The following ANKRD13A variants were observed in gnomAD, a reference collection of about 807,000 sequenced individuals.
The protein encoded by ANKRD13A is ankyrin repeat domain-containing protein 13A.
A neutral mutation model predicts 81.3 loss-of-function variants in ANKRD13A; 48 were observed. The ratio of observed to expected loss-of-function variants is 0.59; its 90% confidence interval spans 0.47 to 0.75. ANKRD13A has a LOEUF of 0.75. Among genes scored for constraint, ANKRD13A ranks in the 30% least tolerant of loss-of-function variants. The probability of loss-of-function intolerance (pLI) is 0.00; values close to 1 mark genes in which losing one functional copy is unlikely to be tolerated. For synonymous variants in ANKRD13A, 230 were observed against 270.1 expected (o/e 0.85, Z 1.45); for missense variants, 612 against 734.0 (o/e 0.83, Z 1.92).
intron 10 of ANKRD13A, 33 bp downstream of exon 10, chr12:110,028,675 T>G (rs780940221): frequency 1.2e-6 from 2 of 1,613,398 alleles, no homozygotes; most frequent in Non-Finnish European, 1.7e-6. Flanking sequence ...TTTCAACCTA[T>G]GTATGTTTCA....
chr12:110,028,545 C>T lies in ANKRD13A; in HGVS notation c.979C>T (p.Pro327Ser). The change falls in exon 10 of 15, where the codon CCC (proline) becomes TCC (serine). Residue 327 changes from proline (P) to serine (S), a missense_variant. Pro to Ser is a moderately conservative substitution (Grantham distance 74, BLOSUM62 -1). Coordinates refer to ENST00000261739, the MANE Select transcript of ANKRD13A (RefSeq NM_033121.2). ...CACGGAATGTGCTACTGCAAACAAC[C>T]CCACAGCCATCACGCCTGATGAGTA... ...LTTECATANN[P>S]TAITPDEYFN... 3.1e-6 allele frequency: 5 copies of T among 1,614,168 alleles called. No individual in the cohort carries two copies. Among genetic ancestry groups the T allele is most frequent in the Non-Finnish European group, 4.2e-6 (5 of 1,180,020 alleles).
intron 1 of ANKRD13A, among the ~76,000 whole-genome samples, chr12:110,011,552 T>C (rs1283200921): frequency 2.0e-5 from 3 of 152,218 alleles, no homozygotes; most frequent in Non-Finnish European, 4.4e-5. Context: ...AATGTAATTT[T>C]ATTCTGACCC....
Position 110,019,141 on chromosome 12 carries a change from A to T in ANKRD13A, c.547A>T (p.Asn183Tyr). Residue 183 changes from asparagine to tyrosine, a missense_variant and splice_region_variant, in exon 6 of 15, where the codon AAC becomes TAC. Transcript: ENST00000261739. ...RRSFIFKGEDNWAELMEVNHD... is the reference protein window; with the variant it reads ...RRSFIFKGEDYWAELMEVNHD... ...TATGCCTTTGTTTCCATTAATAGAC[A>T]ACTGGGCGGAGTTAATGGAAGTCAA... 1 of 1,586,404 alleles carries T rather than the reference A, an allele frequency of 6.3e-7. No homozygotes were observed. The highest frequency in any genetic ancestry group is 8.6e-7 in the Non-Finnish European group (1 of 1,165,362).
intron 8 of ANKRD13A, chr12:110,026,935 G>GT (rs1891378913): frequency 2.0e-5 from 3 of 152,174 alleles, no homozygotes; most frequent in Admixed American, 2.0e-4. Context: ...TCTTGGAGGT[G>GT]TTTCCCCATA....
At chr12:110,023,976 A>G in intron 6 of ANKRD13A, 70 bp from the exon 7 acceptor site, 1 of 1,473,188 alleles carries the variant, frequency 6.8e-7, no homozygotes, top group Non-Finnish European at 9.3e-7. Context: ...AAAAAACTAT[A>G]AAGGCTACAG....
intron 12 of ANKRD13A, 106 bp downstream of exon 12, chr12:110,030,864 G>A: frequency 1.9e-6 from 1 of 513,722 alleles, no homozygotes; most frequent in South Asian, 2.6e-5. Flanking sequence ...GGAGGCCGAG[G>A]TGGGTGGATC....
At chr12:110,032,559 C>G (rs1006864497) in intron 12 of ANKRD13A, 3 of 152,104 alleles carry the variant, frequency 2.0e-5, no homozygotes, top group African/African-American at 7.2e-5. Context: ...TTCGGCATTA[C>G]TGTATAAACT....
At chr12:110,020,794 G>T (rs956745095) in intron 6 of ANKRD13A, among the ~76,000 whole-genome samples, 1 of 152,206 alleles carries the variant, frequency 6.6e-6, no homozygotes, top group Non-Finnish European at 1.5e-5. Flanking sequence ...CATCAGCAGG[G>T]CTCCTAAATA....
At chr12:110,001,897 A>G (rs930821594) in intron 1 of ANKRD13A, among the ~76,000 whole-genome samples, 1 of 152,194 alleles carries the variant, frequency 6.6e-6, no homozygotes, top group African/African-American at 2.4e-5. Flanking sequence ...CTATTACTAG[A>G]CATGGTACAG....
chr12:110,012,033 G>A lies in ANKRD13A; in HGVS notation c.125G>A (p.Arg42Gln), dbSNP rs138438848. The A allele has an allele frequency of 2.3e-4, 364 of 1,609,792 alleles. No individual in the cohort carries two copies. Among genetic ancestry groups the A allele is most frequent in the Non-Finnish European group, 2.9e-4 (347 of 1,176,572 alleles). ...GTGGAGGCTGTGGACCCACGAGGTC[G>A]AACATTATTGCATCTTGCTGTTTCC... ...QNVEAVDPRG[R>Q]TLLHLAVSLG... is the part of the protein sequence containing the mutation. The change falls in exon 2 of 15, where the codon CGA becomes CAA. Residue 42 changes from arginine (R) to glutamine (Q), a missense_variant. By Grantham distance (43) the Arg-to-Gln change is conservative. Transcript: ENST00000261739.
chr12:110,034,345 C>T (rs1019299213), intron 13 of ANKRD13A, among the ~76,000 whole-genome samples: 3 of 152,118 alleles, frequency 2.0e-5, no homozygotes, highest in African/African-American at 7.2e-5. Flanking sequence ...ATTTGAATCC[C>T]ACTTCCTCCA....
At position 110,029,514 on chromosome 12, in the gene ANKRD13A, CCT is replaced by C. The variant is rs1891553898; in HGVS notation, c.1120_1121del (p.Leu374GlyfsTer9). The stretch of plus-strand genomic sequence containing the variant: ...TGTTGTGGATGTGTGAAGAGTTTCC[CCT>C]CTCTCTGGTGGAGCAGGTCATTCCC... ...AMLWMCEEFP[L>X]SLVEQVIPII... On this transcript the variant is annotated frameshift_variant, in exon 11 of 15. Transcript: ENST00000261739. LOFTEE classifies it high-confidence loss of function. 1.2e-6 allele frequency: 2 copies of C among 1,613,744 alleles called. No homozygotes were observed. Among genetic ancestry groups the C allele is most frequent in the South Asian group, 2.2e-5 (2 of 91,076 alleles).
At chr12:110,037,074 T>G (rs1340051811) in intron 14 of ANKRD13A, among the ~76,000 whole-genome samples, 4 of 152,196 alleles carry the variant, frequency 2.6e-5, no homozygotes, top group Admixed American at 2.0e-4. Context: ...ATACTTAAGG[T>G]GTCTATGAGA....
rs113577418 is a variant in ANKRD13A, at chr12:110,027,875, A to G, written c.945+109A>G. 2,348 of 1,004,064 alleles carry G rather than the reference A, an allele frequency of 2.3e-3. 46 individuals carry two copies. In the African/African-American group the frequency reaches 0.033, roughly 14 times the overall value. The allele number at this position is 1,004,064 out of a possible 1,614,324, so 62.2% of individuals were successfully genotyped here. ...GAACAGCCCACTCTATGTAAAGGCC[A>G]AAGATACCCCCAAGCTGGAATTTGA... On this transcript the variant is annotated intron_variant, in intron 9 of 14. Transcript: ENST00000261739.
intron 11 of ANKRD13A, 43 bp from the exon 12 acceptor site, chr12:110,030,602 C>T: frequency 8.5e-7 from 1 of 1,175,794 alleles, no homozygotes; most frequent in South Asian, 1.4e-5. Flanking sequence ...TATTGTTATT[C>T]TCAGTAAAGT....
At chr12:110,011,868 A>G (rs1018281081) in intron 1 of ANKRD13A, 137 bp from the exon 2 acceptor site, 9 of 781,568 alleles carry the variant, frequency 1.2e-5, no homozygotes, top group Non-Finnish European at 1.5e-5. Context: ...AAATGCAAAC[A>G]TACCTTCTTA....
Position 110,003,871 on chromosome 12 carries a change from T to C in ANKRD13A, c.96+4087T>C, listed in dbSNP as rs1478097237. ...GACTCCGTCTCCTTAAAAAAAAATTTTTTTTGGCTGGGCACGGTGGCTCAC... is the reference window on the plus strand; with the variant it reads ...GACTCCGTCTCCTTAAAAAAAAATTCTTTTTGGCTGGGCACGGTGGCTCAC... On this transcript the variant is annotated intron_variant, in intron 1 of 14. Coordinates refer to ENST00000261739, the MANE Select transcript of ANKRD13A (RefSeq NM_033121.2). Among the ~76,000 whole-genome samples the C allele has an allele frequency of 2.0e-5, 3 of 152,092 alleles. No homozygotes were observed. The East Asian group carries it at 5.8e-4, about 29-fold the overall frequency.
intron 3 of ANKRD13A, among the ~76,000 whole-genome samples, chr12:110,015,037 A>T (rs1037706652): frequency 5.9e-5 from 9 of 152,046 alleles, no homozygotes; most frequent in Middle Eastern, 3.4e-3. Flanking sequence ...CGGCCTCCCA[A>T]AGTGCTGGGA....
chr12:110,001,708 C>T (rs982542927), intron 1 of ANKRD13A, among the ~76,000 whole-genome samples: 24 of 152,118 alleles, frequency 1.6e-4, no homozygotes, highest in African/African-American at 4.6e-4. Flanking sequence ...GCATGAGCCA[C>T]TGTTGCCGGC....
Sources: gnomAD v4.1 joint callset for allele counts (sites outside exome capture counted in the v4.1 genomes callset) on GRCh38, gnomAD v4.1.1 for gene constraint, MANE v1.5 for transcripts, NCBI Gene and HGNC (gene_info 2026-07-23, HGNC 2026-07-21) for gene names.